The following SGCD variants were observed in gnomAD, a reference collection of about 807,000 sequenced individuals.
SGCD encodes sarcoglycan delta.
A neutral mutation model predicts 36.6 loss-of-function variants in SGCD; 18 were observed. The ratio of observed to expected loss-of-function variants is 0.49; its 90% confidence interval spans 0.34 to 0.73. The LOEUF (loss-of-function observed/expected upper bound fraction) is 0.73, where lower values mean the gene tolerates loss of function less well. SGCD is among the 30% of genes least tolerant of loss of function. SGCD has a pLI of 0.01. For missense variants in SGCD, 387 were observed against 346.7 expected (o/e 1.12, Z -0.92); for synonymous variants, 133 against 130.6 (o/e 1.02, Z -0.12).
At chr5:156,751,525 C>G (rs1407363523) in intron 7 of SGCD, among the ~76,000 whole-genome samples, 1 of 152,050 alleles carries the variant, frequency 6.6e-6, no homozygotes, top group Non-Finnish European at 1.5e-5. Context: ...AGACAAACCA[C>G]AAACGGAAAG....
chr5:156,686,413 T>C (rs1446387932), intron 7 of SGCD, among the ~76,000 whole-genome samples: 1 of 152,202 alleles, frequency 6.6e-6, no homozygotes, highest in African/African-American at 2.4e-5. Context: ...TCCTACCTTT[T>C]TCCTCCTTTG....
intron 7 of SGCD, among the ~76,000 whole-genome samples, chr5:156,671,471 A>G (rs1303889853): frequency 6.6e-6 from 1 of 151,890 alleles, no homozygotes; most frequent in Non-Finnish European, 1.5e-5. Context: ...AAGGGGTTTC[A>G]CCATGTTGGT....
intron 3 of SGCD, among the ~76,000 whole-genome samples, chr5:156,284,713 A>G (rs1220153607): frequency 6.6e-6 from 1 of 152,188 alleles, no homozygotes; most frequent in Non-Finnish European, 1.5e-5. Flanking sequence ...CACAGCCAAT[A>G]TCATACTGAA....
intron 3 of SGCD, among the ~76,000 whole-genome samples, chr5:156,190,672 T>G (rs892004871): frequency 6.6e-6 from 1 of 152,152 alleles, no homozygotes; most frequent in Admixed American, 6.6e-5. Context: ...ATAATAATCG[T>G]AATTACTAAG....
chr5:156,087,715 C>T lies in SGCD; in HGVS notation c.-281-30163C>T, dbSNP rs552343987. Among the ~76,000 whole-genome samples the T allele has an allele frequency of 2.4e-4, 37 of 151,816 alleles. No homozygotes were observed. In the South Asian group the frequency reaches 7.5e-3, roughly 31 times the overall value. On this transcript the variant is annotated intron_variant, in intron 1 of 9. Transcript: ENST00000517913. ...TTTATGCATGTGGTACATTTTGCCA[C>T]TTATCAGAGATGTATACTGTCATTT... is the stretch of plus-strand genomic sequence containing the variant.
At chr5:156,073,316 G>A (rs922987617) in intron 1 of SGCD, among the ~76,000 whole-genome samples, 1 of 152,128 alleles carries the variant, frequency 6.6e-6, no homozygotes, top group African/African-American at 2.4e-5. Context: ...CTAGCACTTT[G>A]GGAGGCCAAG....
At chr5:155,761,677 T>A in the SGCD span, among the ~76,000 whole-genome samples, 1 of 147,830 alleles carries the variant, frequency 6.8e-6, no homozygotes. Context: ...TCCATCATCA[T>A]CTCCATCATC....
the SGCD span, among the ~76,000 whole-genome samples, chr5:155,779,160 T>G: frequency 1.9e-4 from 29 of 152,312 alleles, no homozygotes; most frequent in African/African-American, 7.0e-4. Context: ...CATATTTTAA[T>G]TTTTAAAAAT....
At chr5:156,126,950 T>G (rs999969939) in intron 3 of SGCD, among the ~76,000 whole-genome samples, 11 of 152,216 alleles carry the variant, frequency 7.2e-5, no homozygotes, top group Admixed American at 4.6e-4. Flanking sequence ...AGAAATCTGT[T>G]TTTGTTTAAT....
chr5:155,792,010 C>T, the SGCD span, among the ~76,000 whole-genome samples: 1 of 152,142 alleles, frequency 6.6e-6, no homozygotes, highest in Non-Finnish European at 1.5e-5. Context: ...GCAAATTATA[C>T]TATAAGGCTA....
chr5:156,714,997 G>A (rs964068554), intron 7 of SGCD, among the ~76,000 whole-genome samples: 5 of 152,152 alleles, frequency 3.3e-5, no homozygotes, highest in Admixed American at 3.3e-4. Flanking sequence ...AACAGAGATT[G>A]TATTTCTTTA....
At chr5:156,025,448 T>C (rs1759207422) in intron 1 of SGCD, among the ~76,000 whole-genome samples, 1 of 152,206 alleles carries the variant, frequency 6.6e-6, no homozygotes, top group Non-Finnish European at 1.5e-5. Context: ...TTGTAGTATA[T>C]TTTCATGTTT....
intron 7 of SGCD, among the ~76,000 whole-genome samples, chr5:156,743,731 G>GTCTT (rs1756807199): frequency 1.3e-5 from 2 of 152,294 alleles, no homozygotes; most frequent in Admixed American, 1.3e-4. Context: ...CATTTCTTAA[G>GTCTT]TCTTTAGAGT....
chr5:156,454,893 T>C (rs958612759), intron 3 of SGCD, among the ~76,000 whole-genome samples: 23 of 151,930 alleles, frequency 1.5e-4, no homozygotes, highest in African/African-American at 4.8e-4. Flanking sequence ...TGTGGCTGGG[T>C]CAGAACTCCA....
At chr5:156,208,059 A>G (rs1422742930) in intron 3 of SGCD, among the ~76,000 whole-genome samples, 2 of 152,232 alleles carry the variant, frequency 1.3e-5, no homozygotes, top group Non-Finnish European at 2.9e-5. Flanking sequence ...TAAAATATAA[A>G]TCAATGAGAA....
chr5:156,552,404 A>G (rs552158640), intron 4 of SGCD, among the ~76,000 whole-genome samples: 28 of 152,308 alleles, frequency 1.8e-4, no homozygotes, highest in African/African-American at 6.7e-4. Flanking sequence ...AACAGTGGGG[A>G]TGTGGAGATA....
At chr5:156,324,601 A>G (rs1767755895), upstream of SGCD, among the ~76,000 whole-genome samples, 1 of 152,244 alleles carries the variant, frequency 6.6e-6, no homozygotes, top group African/African-American at 2.4e-5. Flanking sequence ...GAAATGAGCC[A>G]CATAACAAGT....
At chr5:156,213,713 A>C (rs545897832) in intron 3 of SGCD, among the ~76,000 whole-genome samples, 2 of 152,206 alleles carry the variant, frequency 1.3e-5, no homozygotes, top group African/African-American at 4.8e-5. Flanking sequence ...TAATGCAAAC[A>C]TCTTCAACAA....
intron 7 of SGCD, among the ~76,000 whole-genome samples, chr5:156,689,235 A>C (rs1298215590): frequency 6.6e-6 from 1 of 152,198 alleles, no homozygotes; most frequent in African/African-American, 2.4e-5. Context: ...CTATTTTTAC[A>C]ACTTTTCTCG....
Sources: gnomAD v4.1 joint callset for allele counts (sites outside exome capture counted in the v4.1 genomes callset) on GRCh38, gnomAD v4.1.1 for gene constraint, MANE v1.5 for transcripts, NCBI Gene and HGNC (gene_info 2026-07-23, HGNC 2026-07-21) for gene names.